The following CAPN2 variants were observed in gnomAD, a reference collection of about 807,000 sequenced individuals.
The protein encoded by CAPN2 is calpain 2, also known as calpain-2 catalytic subunit.
Under a neutral mutation model 102.3 loss-of-function variants are expected in CAPN2, and 92 were observed. The ratio of observed to expected loss-of-function variants is 0.90; its 90% CI spans 0.76 to 1.07. The LOEUF (loss-of-function observed/expected upper bound fraction) is 1.07, where lower values mean the gene tolerates loss of function less well. CAPN2 is among the 50% of genes least tolerant of loss of function. CAPN2 has a pLI of 0.00. For synonymous variants in CAPN2, 340 were observed against 355.4 expected (o/e 0.96, Z 0.49); for missense variants, 800 against 909.4 (o/e 0.88, Z 1.55).
intron 16 of CAPN2, among the ~76,000 whole-genome samples, chr1:223,767,825 A>G (rs1404274840): frequency 6.7e-6 from 1 of 149,546 alleles, no homozygotes; most frequent in Non-Finnish European, 1.5e-5. Flanking sequence ...AAGTGTTCCT[A>G]TTTCTCCACA....
rs750564652 is a variant in CAPN2, at chr1:223,744,225, T to C, written c.426+7T>C. 15 of 1,582,810 alleles carry C rather than the reference T, an allele frequency of 9.5e-6. No individual in the cohort carries two copies. Among genetic ancestry groups the C allele is most frequent in the Non-Finnish European group, 1.3e-5 (15 of 1,151,462 alleles). On this transcript the variant is annotated splice_region_variant and intron_variant, in intron 3 of 20. Coordinates refer to ENST00000295006, the MANE Select transcript of CAPN2 (RefSeq NM_001748.5). ...AGGGATCTTTCACTTCCAGGTAACTTAATGGTTGGCTCAGGTGGTTCCTCA... is the reference window on the plus strand; with the variant it reads ...AGGGATCTTTCACTTCCAGGTAACTCAATGGTTGGCTCAGGTGGTTCCTCA...
At chr1:223,742,016 A>G (rs1182694522) in intron 2 of CAPN2, among the ~76,000 whole-genome samples, 1 of 152,218 alleles carries the variant, frequency 6.6e-6, no homozygotes, top group Non-Finnish European at 1.5e-5. Flanking sequence ...AAGAGCTGTA[A>G]GCAACCATGT....
In CAPN2 at chr1:223,761,796, C is replaced by A. The variant is rs1558076331; in HGVS notation, c.1566+179C>A. 4 of 580,062 alleles carry A rather than the reference C, an allele frequency of 6.9e-6. No individual in the cohort carries two copies. The East Asian group carries it at 1.1e-4, about 16-fold the overall frequency. 35.9% of individuals were successfully genotyped at this position (580,062 alleles called of 1,614,324 possible). On this transcript the variant is annotated intron_variant, in intron 13 of 20. Transcript: ENST00000295006. ...TCAGCTCTGGCCTCTGTGCTGGGGG[C>A]ATGGGCCAGTCCCTTGCCTATTGGG...
At chr1:223,706,405 C>T (rs1013746528) in intron 1 of CAPN2, among the ~76,000 whole-genome samples, 1 of 152,180 alleles carries the variant, frequency 6.6e-6, no homozygotes. Context: ...CAAATGAAAC[C>T]GTTTTTTGCA....
At chr1:223,743,525 T>A (rs1222392104) in intron 2 of CAPN2, among the ~76,000 whole-genome samples, 1 of 152,182 alleles carries the variant, frequency 6.6e-6, no homozygotes, top group Non-Finnish European at 1.5e-5. Flanking sequence ...AGGGTCTCCC[T>A]CTGTTGCCCA....
chr1:223,766,308 A>T, intron 15 of CAPN2, 59 bp from the exon 16 acceptor site: 2 of 1,236,610 alleles, frequency 1.6e-6, no homozygotes, highest in Non-Finnish European at 2.4e-6. Flanking sequence ...GATTGTGGAA[A>T]GTTCAGTTGG....
At position 223,756,779 on chromosome 1, in the gene CAPN2, G is replaced by A. The variant is rs1038625072; in HGVS notation, c.1306-590G>A. Among the ~76,000 whole-genome samples, 2 of 152,192 alleles carry A rather than the reference G, an allele frequency of 1.3e-5. No homozygotes were observed. The highest frequency in any genetic ancestry group is 4.8e-5 in the African/African-American group (2 of 41,438). ...ACAGGAGCTGAGGACTTCGGATCTG[G>A]GACAGAATCGATCCAAGGACAATGC... is the stretch of plus-strand genomic sequence containing the variant. On this transcript the variant is annotated intron_variant, in intron 10 of 20. Coordinates refer to ENST00000295006, the MANE Select transcript of CAPN2 (RefSeq NM_001748.5). The surrounding 1 kb of genome is among the most constrained non-coding windows in gnomAD (Gnocchi z 4.1).
intron 2 of CAPN2, among the ~76,000 whole-genome samples, chr1:223,740,298 A>G (rs1352730634): frequency 6.6e-6 from 1 of 152,140 alleles, no homozygotes; most frequent in East Asian, 1.9e-4. Flanking sequence ...ACATAAATTT[A>G]ATTTACTCAG....
intron 16 of CAPN2, among the ~76,000 whole-genome samples, chr1:223,769,449 C>T (rs16842157): frequency 0.029 from 4,384 of 152,126 alleles, 195 homozygotes; most frequent in African/African-American, 0.099. Context: ...CTAGTGGATT[C>T]ATGGTGTACA....
At chr1:223,758,021 A>T (rs1007888852) in intron 11 of CAPN2, 2 of 151,736 alleles carry the variant, frequency 1.3e-5, no homozygotes, top group African/African-American at 4.8e-5. Flanking sequence ...CCAGGATGCC[A>T]GGCCAATTTT....
chr1:223,759,065 T>C lies in CAPN2; in HGVS notation c.1318-205T>C. 2 of 593,934 alleles carry C rather than the reference T, an allele frequency of 3.4e-6. No homozygotes were observed. The highest frequency in any genetic ancestry group is 3.0e-5 in the Admixed American group (1 of 33,754). 36.8% of individuals were successfully genotyped at this position (593,934 alleles called of 1,614,324 possible). A position where few individuals can be genotyped will look rare whatever the true frequency, so the allele number is the denominator to read the frequency against. ...ATTTTTTTAAAAAAATTTTGTTGTT[T>C]TGTTGTTGTTGTCGTCGTTATATAG... On this transcript the variant is annotated intron_variant, in intron 11 of 20. Coordinates refer to ENST00000295006, the MANE Select transcript of CAPN2 (RefSeq NM_001748.5). This position sits in a 1 kb window ranked among gnomAD's most constrained non-coding sequence, Gnocchi z 4.6.
In CAPN2 at chr1:223,752,906, A is replaced by T. The variant is rs1447620437; in HGVS notation, c.1085A>T (p.Asp362Val). Residue 362 changes from aspartate (D) to valine (V), a missense_variant, in exon 9 of 21, where the codon GAT becomes GTT. By Grantham distance (152) the Asp-to-Val change is radical. Coordinates refer to ENST00000295006, the MANE Select transcript of CAPN2 (RefSeq NM_001748.5). ...AAGAAGTGGAAACTCACCAAAATGG[A>T]TGGGAACTGGAGGCGGGGCTCCACC... ...TYKKWKLTKM[D>V]GNWRRGSTAG... The T allele has an allele frequency of 1.2e-6, 2 of 1,614,150 alleles. No homozygotes were observed. Among genetic ancestry groups the T allele is most frequent in the Non-Finnish European group, 1.7e-6 (2 of 1,180,022 alleles).
At chr1:223,719,228 C>A (rs954063274) in intron 2 of CAPN2, among the ~76,000 whole-genome samples, 1 of 152,138 alleles carries the variant, frequency 6.6e-6, no homozygotes, top group African/African-American at 2.4e-5. Flanking sequence ...CTTTGACCAA[C>A]CCCGGGGGCT....
At chr1:223,715,207 G>A (rs1210164329) in intron 1 of CAPN2, among the ~76,000 whole-genome samples, 1 of 152,208 alleles carries the variant, frequency 6.6e-6, no homozygotes, top group Admixed American at 6.5e-5. Context: ...GGTGAGTTTA[G>A]CAGAGCAATT....
At chr1:223,765,977 TC>T (rs1319022761) in intron 15 of CAPN2, among the ~76,000 whole-genome samples, 3 of 152,176 alleles carry the variant, frequency 2.0e-5, no homozygotes, top group Admixed American at 6.5e-5. Context: ...GATGGACAGT[TC>T]AAGTAAACCT....
chr1:223,741,117 G>T (rs1274111393), intron 2 of CAPN2, among the ~76,000 whole-genome samples: 1 of 152,148 alleles, frequency 6.6e-6, no homozygotes, highest in Non-Finnish European at 1.5e-5. Flanking sequence ...TTAGCTCGGG[G>T]CCTGGCACAC....
At chr1:223,717,665 G>A (rs946916771) in intron 1 of CAPN2, 97 bp from the exon 2 acceptor site, 148 of 903,064 alleles carry the variant, frequency 1.6e-4, no homozygotes, top group Non-Finnish European at 2.2e-5. Context: ...AGGGGAAGGG[G>A]AGAAGGGGTT....
At chr1:223,734,541 A>G (rs1229625513) in intron 2 of CAPN2, among the ~76,000 whole-genome samples, 4 of 151,944 alleles carry the variant, frequency 2.6e-5, no homozygotes, top group Admixed American at 2.0e-4. Flanking sequence ...GGTGAGACAG[A>G]CACCTTATGC....
intron 2 of CAPN2, among the ~76,000 whole-genome samples, chr1:223,743,661 C>T (rs12066831): frequency 0.24 from 35,698 of 151,850 alleles, 7,138 homozygotes; most frequent in African/African-American, 0.55. Context: ...CGCCACCACA[C>T]CCAGCCCAAA....
Sources: allele counts gnomAD v4.1 joint callset (sites outside exome capture counted in the v4.1 genomes callset), GRCh38; gene constraint gnomAD v4.1.1; non-coding constraint Gnocchi (gnomAD v3.1); transcripts MANE v1.5; gene names NCBI Gene and HGNC (gene_info 2026-07-23, HGNC 2026-07-21).